FRMD5: variants seen among roughly 807,000 people sequenced by gnomAD.
The protein encoded by FRMD5 is FERM domain-containing protein 5.
A neutral mutation model predicts 69.0 loss-of-function variants in FRMD5; 20 were observed. The ratio of observed to expected loss-of-function variants is 0.29; its 90% CI spans 0.20 to 0.42. The LOEUF is 0.42. FRMD5 is among the 10% of genes least tolerant of loss of function. The pLI, the probability that FRMD5 is intolerant of heterozygous loss-of-function variation, is 1.00. For missense variants in FRMD5, 595 were observed against 708.6 expected, an observed-to-expected ratio of 0.84 and a Z score of 1.82; for synonymous variants, 271 against 260.1, an observed-to-expected ratio of 1.04 and a Z score of -0.40.
chr15:43,997,548 A>G (rs1340923427), intron 1 of FRMD5, among the ~76,000 whole-genome samples: 1 of 152,224 alleles, frequency 6.6e-6, no homozygotes, highest in Non-Finnish European at 1.5e-5. Context: ...GTCTGTCTCC[A>G]TAGGAGAAAC....
intron 10 of FRMD5, among the ~76,000 whole-genome samples, chr15:43,887,218 G>A (rs906440602): frequency 1.3e-5 from 2 of 152,106 alleles, no homozygotes; most frequent in Non-Finnish European, 2.9e-5. Context: ...GGCCCCTGTC[G>A]GCTAGTGCCT....
chr15:44,038,907 C>G lies in FRMD5; in HGVS notation c.103-114598G>C, dbSNP rs907772405. On this transcript the variant is annotated intron_variant, in intron 1 of 13. Coordinates refer to ENST00000417257, the MANE Select transcript of FRMD5 (RefSeq NM_032892.5). The stretch of plus-strand genomic sequence containing the variant: ...TGCCTGGCTCGGCAGGTCCCACCCC[C>G]ATAGAGCCGAGCAAGCTAAGATCCA... 2.6e-5 allele frequency among the ~76,000 whole-genome samples: 4 copies of G among 152,318 alleles called. 1 individual carries two copies. The highest frequency in any genetic ancestry group is 5.9e-5 in the Non-Finnish European group (4 of 68,020).
chr15:44,069,585 A>C (rs908612408), intron 1 of FRMD5, among the ~76,000 whole-genome samples: 2 of 152,198 alleles, frequency 1.3e-5, no homozygotes, highest in African/African-American at 4.8e-5. Flanking sequence ...GGTATGATTC[A>C]ATTTATATGA....
chr15:44,181,775 A>G (rs2078005575), intron 1 of FRMD5, among the ~76,000 whole-genome samples: 1 of 152,050 alleles, frequency 6.6e-6, no homozygotes, highest in Admixed American at 6.6e-5. Flanking sequence ...GCTTGGTGGC[A>G]TGCACCTGTA....
chr15:44,014,383 T>G (rs1325503719), intron 1 of FRMD5, among the ~76,000 whole-genome samples: 5 of 152,322 alleles, frequency 3.3e-5, no homozygotes, highest in African/African-American at 9.6e-5. Flanking sequence ...ACTTTTTAGC[T>G]ATGAGATGTC....
At chr15:43,925,003 C>CTTTTT (rs58833260) in intron 1 of FRMD5, among the ~76,000 whole-genome samples, 1 of 129,034 alleles carries the variant, frequency 7.7e-6, no homozygotes, top group African/African-American at 3.1e-5. Context: ...CTTGTATATC[C>CTTTTT]TTTTTTTTTT....
intron 1 of FRMD5, among the ~76,000 whole-genome samples, chr15:44,066,150 G>C (rs571964705): frequency 1.3e-4 from 20 of 152,094 alleles, no homozygotes; most frequent in Non-Finnish European, 2.1e-4. Context: ...ATCTTTTCAA[G>C]ATTTTTCTCC....
At chr15:43,962,658 C>T (rs1595564506) in intron 1 of FRMD5, among the ~76,000 whole-genome samples, 1 of 152,318 alleles carries the variant, frequency 6.6e-6, no homozygotes, top group East Asian at 1.9e-4. Flanking sequence ...TCAAACTATA[C>T]TACAAGGCTA....
intron 1 of FRMD5, among the ~76,000 whole-genome samples, chr15:43,939,639 C>T (rs2089828116): frequency 6.6e-6 from 1 of 152,092 alleles, no homozygotes; most frequent in African/African-American, 2.4e-5. Context: ...CTCCCTGTAG[C>T]CTTGAACTCC....
At chr15:44,046,920 T>C (rs1487364583) in intron 1 of FRMD5, among the ~76,000 whole-genome samples, 1 of 152,190 alleles carries the variant, frequency 6.6e-6, no homozygotes, top group Non-Finnish European at 1.5e-5. Flanking sequence ...TCTTAGAAGA[T>C]ATTAATTCAG....
At chr15:43,900,808 A>G (rs1255377136) in intron 7 of FRMD5, among the ~76,000 whole-genome samples, 2 of 151,998 alleles carry the variant, frequency 1.3e-5, no homozygotes, top group African/African-American at 2.4e-5. Flanking sequence ...TAGTAGAGAC[A>G]GGGTTTCATC....
chr15:43,911,791 C>T lies in FRMD5; in HGVS notation c.330-1812G>A, dbSNP rs575530910. On this transcript the variant is annotated intron_variant, in intron 4 of 13. Coordinates refer to ENST00000417257, the MANE Select transcript of FRMD5 (RefSeq NM_032892.5). ...TGGAGGTTTCCATTGTTTCTGTTTT[C>T]GGGCTGAAGAATGAAACAGAGGATT... Among the ~76,000 whole-genome samples the T allele has an allele frequency of 4.6e-5, 7 of 152,212 alleles. No homozygotes were observed. The South Asian group carries it at 1.0e-3, about 23-fold the overall frequency.
At chr15:43,932,610 G>A (rs913823256) in intron 1 of FRMD5, among the ~76,000 whole-genome samples, 1 of 152,016 alleles carries the variant, frequency 6.6e-6, no homozygotes, top group Non-Finnish European at 1.5e-5. Flanking sequence ...GCTTTAATTA[G>A]AATAAAAAGA....
At chr15:43,973,317 T>G (rs1304013797) in intron 1 of FRMD5, among the ~76,000 whole-genome samples, 1 of 151,718 alleles carries the variant, frequency 6.6e-6, no homozygotes, top group Non-Finnish European at 1.5e-5. Context: ...CCACCGCACC[T>G]GGCCGATTTT....
chr15:43,919,281 C>G (rs2089450499), intron 4 of FRMD5, 178 bp downstream of exon 4: 1 of 762,892 alleles, frequency 1.3e-6, no homozygotes, highest in African/African-American at 1.7e-5. Context: ...TGCGACTGCA[C>G]TGAGGGGTAC....
At chr15:43,927,310 C>T (rs56793082) in intron 1 of FRMD5, among the ~76,000 whole-genome samples, 13,927 of 152,196 alleles carry the variant, frequency 0.092, 1,148 homozygotes, top group African/African-American at 0.22. Flanking sequence ...CTTCTGCTAG[C>T]CTCATACTCC....
chr15:43,990,257 G>A (rs916637965), intron 1 of FRMD5: 11 of 362,060 alleles, frequency 3.0e-5, no homozygotes, highest in South Asian at 2.2e-4. Context: ...GGGTGGACAC[G>A]GTCTCAGCAG....
chr15:44,105,962 G>A lies in FRMD5; in HGVS notation c.102+88991C>T, dbSNP rs148869221. Among the ~76,000 whole-genome samples the A allele has an allele frequency of 3.4e-3, 520 of 152,210 alleles. 4 individuals are homozygous for A. The highest frequency in any genetic ancestry group is 0.011 in the African/African-American group (458 of 41,534). ...GTAGTATTTGCATATAAGCTAGCAC[G>A]TCCTCCTATATACTTTATCTTTCTG... On this transcript the variant is annotated intron_variant, in intron 1 of 13. Coordinates refer to ENST00000417257, the MANE Select transcript of FRMD5 (RefSeq NM_032892.5).
At chr15:43,930,883 G>A (rs1272185168) in intron 1 of FRMD5, among the ~76,000 whole-genome samples, 1 of 152,146 alleles carries the variant, frequency 6.6e-6, no homozygotes, top group Non-Finnish European at 1.5e-5. Context: ...TGGGAGGGAG[G>A]ACTAAGTGTT....
Sources: allele counts gnomAD v4.1 joint callset (sites outside exome capture counted in the v4.1 genomes callset), GRCh38; gene constraint gnomAD v4.1.1; transcripts MANE v1.5; gene names NCBI Gene and HGNC (gene_info 2026-07-23, HGNC 2026-07-21).